The following PSMD14 variants were observed in gnomAD, a reference collection of about 807,000 sequenced individuals.
The protein encoded by PSMD14 is proteasome 26S subunit, non-ATPase 14, also known as ubiquitin C-terminal hydrolase PSMD14.
In PSMD14, 7 loss-of-function variants were observed where a neutral mutation model predicts 41.2. That is an observed-to-expected ratio of 0.17 (90% CI 0.10 to 0.32). The LOEUF is 0.32. Ranked by LOEUF, PSMD14 falls within the 10% of genes least tolerant of loss-of-function variation. The pLI is 1.00. For synonymous variants in PSMD14, 114 were observed against 122.3 expected, an observed-to-expected ratio of 0.93 and a Z score of 0.45; for missense variants, 139 against 375.6, an observed-to-expected ratio of 0.37 and a Z score of 5.21.
intron 6 of PSMD14, among the ~76,000 whole-genome samples, chr2:161,370,595 G>GGGA (rs1209360737): frequency 8.7e-4 from 132 of 152,232 alleles, no homozygotes; most frequent in Admixed American, 2.4e-3. Flanking sequence ...ATATTCTAAA[G>GGGA]TTTTTTCCTC....
chr2:161,378,667 T>C (rs541253422), intron 7 of PSMD14, among the ~76,000 whole-genome samples: 9 of 151,980 alleles, frequency 5.9e-5, no homozygotes, highest in Admixed American at 2.0e-4. Flanking sequence ...ACAGCTATTA[T>C]AACAAACAGC....
At chr2:161,340,766 A>G (rs1174125831) in intron 3 of PSMD14, 1 of 1,611,980 alleles carries the variant, frequency 6.2e-7, no homozygotes, top group Admixed American at 1.7e-5. Context: ...TCAAGCTTTT[A>G]AGATGCCAAA....
In PSMD14 at chr2:161,367,921, TGCCTG is replaced by T; in HGVS notation, c.240+19_240+23del. 1 of 1,605,646 alleles carries T rather than the reference TGCCTG, an allele frequency of 6.2e-7. No homozygotes were observed. Among genetic ancestry groups the T allele is most frequent in the South Asian group, 1.1e-5 (1 of 89,332 alleles). On this transcript the variant is annotated intron_variant, in intron 5 of 11. Transcript: ENST00000409682. ...CAGGAACAGTGAGTACTTTTATGGT[TGCCTG>T]CTGCAAGTAAATGTGTTTCTTTTCA... is the stretch of plus-strand genomic sequence containing the variant.
chr2:161,340,667 T>A (rs1391988030), intron 3 of PSMD14: 22 of 1,477,632 alleles, frequency 1.5e-5, no homozygotes, highest in Non-Finnish European at 2.0e-5. Flanking sequence ...CAAGTCCTGA[T>A]TGAGGGTCTA....
At chr2:161,309,679 T>G (rs1183746416) in intron 1 of PSMD14, among the ~76,000 whole-genome samples, 1 of 152,198 alleles carries the variant, frequency 6.6e-6, no homozygotes, top group African/African-American at 2.4e-5. Context: ...AGTTAAGGTG[T>G]GTTTAGTGAA....
At chr2:161,357,385 T>A (rs142616951) in intron 3 of PSMD14, among the ~76,000 whole-genome samples, 62 of 152,258 alleles carry the variant, frequency 4.1e-4, no homozygotes, top group African/African-American at 1.4e-3. Context: ...GTGGCTCAGC[T>A]TTTTACCCTA....
chr2:161,361,168 T>G (rs1683284434), intron 3 of PSMD14, among the ~76,000 whole-genome samples: 1 of 152,208 alleles, frequency 6.6e-6, no homozygotes, highest in Non-Finnish European at 1.5e-5. Flanking sequence ...CTTTAATCCA[T>G]CTGGGTGGTG....
chr2:161,389,889 G>GTTGTTTTTTTTTTT, intron 8 of PSMD14, among the ~76,000 whole-genome samples: 211 of 20,052 alleles, frequency 0.011, 72 homozygotes, highest in East Asian at 0.044. Flanking sequence ...CTTTTTTGTT[G>GTTGTTTTTTTTTTT]TTTTTTTTTT....
At chr2:161,349,056 T>C (rs1246177218) in intron 3 of PSMD14, among the ~76,000 whole-genome samples, 2 of 152,192 alleles carry the variant, frequency 1.3e-5, no homozygotes, top group Admixed American at 6.5e-5. Context: ...ATCAGCTTTC[T>C]AGGTAAATGA....
intron 3 of PSMD14, chr2:161,341,176 TGGCCTCGGCCGGGGGCGCGGGTTCCGGG>T (rs1682953708): frequency 2.3e-5 from 22 of 956,100 alleles, no homozygotes; most frequent in Non-Finnish European, 2.7e-5. Flanking sequence ...GGGGCCCCGG[TGGCCTCGGCCGGGGGCGCGGGTTCCGGG>T]GGCGCGCGGG....
At chr2:161,348,099 C>T (rs1683069629) in intron 3 of PSMD14, among the ~76,000 whole-genome samples, 1 of 152,196 alleles carries the variant, frequency 6.6e-6, no homozygotes, top group South Asian at 2.1e-4. Flanking sequence ...ATACAACCCT[C>T]TTGGAAAAAC....
rs1394206978 is a variant in PSMD14, at chr2:161,381,781, TA to T, written c.463-3680del. 3.9e-5 allele frequency: 6 copies of T among 151,938 alleles called. 1 individual carries two copies. The highest frequency in any genetic ancestry group is 8.8e-5 in the Non-Finnish European group (6 of 67,890). 9.4% of individuals were successfully genotyped at this position (151,938 alleles called of 1,614,324 possible). On this transcript the variant is annotated intron_variant, in intron 7 of 11. Coordinates refer to ENST00000409682, the MANE Select transcript of PSMD14 (RefSeq NM_005805.6). ...CCTTGACCCTTGGGCATGCTTGGAA[TA>T]AATACGGAACTCAGTATTGTTTTTA...
At chr2:161,358,953 G>T (rs149823294) in intron 3 of PSMD14, among the ~76,000 whole-genome samples, 2 of 152,270 alleles carry the variant, frequency 1.3e-5, no homozygotes, top group Admixed American at 6.5e-5. Flanking sequence ...TAAGGAATTA[G>T]TGTCCTATTT....
intron 5 of PSMD14, among the ~76,000 whole-genome samples, chr2:161,369,709 T>C (rs1198409492): frequency 1.3e-5 from 2 of 152,092 alleles, no homozygotes; most frequent in Admixed American, 6.6e-5. Context: ...GGCTGTTTCA[T>C]TATGATAGCT....
rs754490947 is a variant in PSMD14, at chr2:161,395,058, C to T, written c.646-20C>T. 6.5e-7 allele frequency: 1 copy of T among 1,538,596 alleles called. No individual in the cohort carries two copies. Among genetic ancestry groups the T allele is most frequent in the South Asian group, 1.3e-5 (1 of 79,040 alleles). ...TATCCTCAAGGCAGAAAAAGAATTA[C>T]TTTTTCTTTTATTTTTTAGATGTTG... On this transcript the variant is annotated intron_variant, in intron 9 of 11. Transcript: ENST00000409682.
chr2:161,316,966 T>G (rs1239956314), intron 2 of PSMD14, among the ~76,000 whole-genome samples: 1 of 152,194 alleles, frequency 6.6e-6, no homozygotes, highest in African/African-American at 2.4e-5. Context: ...CAGCTGGGAA[T>G]CAGTTTTGGC....
At chr2:161,389,636 A>G (rs1255979404) in intron 8 of PSMD14, among the ~76,000 whole-genome samples, 1 of 151,976 alleles carries the variant, frequency 6.6e-6, no homozygotes, top group Non-Finnish European at 1.5e-5. Context: ...ACTCATCTAA[A>G]ATATTTTAAT....
intron 3 of PSMD14, among the ~76,000 whole-genome samples, chr2:161,346,903 C>G (rs1240448674): frequency 1.3e-5 from 2 of 152,064 alleles, no homozygotes; most frequent in Admixed American, 6.5e-5. Flanking sequence ...CACACACATG[C>G]ATTGATCATT....
chr2:161,408,830 T>C lies in PSMD14; in HGVS notation c.772-7T>C, dbSNP rs757067299. On this transcript the variant is annotated splice_region_variant and splice_polypyrimidine_tract_variant and intron_variant, in intron 10 of 11. Transcript: ENST00000409682. ...TTTAAACTCTGTCCTTTGTGTTTCA[T>C]TCACAGGCTGTAGAAGAAGAAGATA... is the stretch of plus-strand genomic sequence containing the variant. 3 of 1,597,176 alleles carry C rather than the reference T, an allele frequency of 1.9e-6. No homozygotes were observed. The highest frequency in any genetic ancestry group is 2.6e-6 in the Non-Finnish European group (3 of 1,166,778).
Sources: allele counts gnomAD v4.1 joint callset (sites outside exome capture counted in the v4.1 genomes callset), GRCh38; gene constraint gnomAD v4.1.1; transcripts MANE v1.5; gene names NCBI Gene and HGNC (gene_info 2026-07-23, HGNC 2026-07-21).